Variants in CSMD1 observed in about 807,000 individuals in gnomAD.
CSMD1 encodes the protein CUB and Sushi multiple domains 1, also known as CUB and sushi domain-containing protein 1.
In CSMD1, 213 loss-of-function variants were observed where a neutral mutation model predicts 417.5. The ratio of observed to expected loss-of-function variants is 0.51; its 90% CI spans 0.46 to 0.57. The LOEUF (loss-of-function observed/expected upper bound fraction) is 0.57. Ranked by LOEUF, CSMD1 falls within the 20% of genes least tolerant of loss-of-function variation. The probability of loss-of-function intolerance (pLI) is 0.00; values close to 1 mark genes in which losing one functional copy is unlikely to be tolerated. For missense variants in CSMD1, 6,923 were observed against 4,529.7 expected (o/e 1.53, Z -15.17); for synonymous variants, 2,862 against 1,736.8 (o/e 1.65, Z -16.11).
intron 62 of CSMD1, 38 bp from the exon 63 acceptor site, chr8:2,957,845 G>T (rs1469686946): frequency 7.2e-7 from 1 of 1,385,566 alleles, no homozygotes; most frequent in Admixed American, 2.0e-5. Context: ...AGAGGCCAAG[G>T]GAATATACGA....
chr8:4,094,746 A>T (rs1382515902), intron 3 of CSMD1, among the ~76,000 whole-genome samples: 1 of 152,140 alleles, frequency 6.6e-6, no homozygotes, highest in African/African-American at 2.4e-5. Flanking sequence ...CATTCAGACA[A>T]ATGATGGAGG....
At chr8:3,846,785 T>C (rs368756320) in intron 5 of CSMD1, among the ~76,000 whole-genome samples, 29 of 152,220 alleles carry the variant, frequency 1.9e-4, no homozygotes, top group African/African-American at 6.7e-4. Context: ...GCGATTCTCC[T>C]GTCTCAGCCT....
chr8:3,311,758 T>G (rs554171256), intron 23 of CSMD1, among the ~76,000 whole-genome samples: 1 of 152,006 alleles, frequency 6.6e-6, no homozygotes, highest in African/African-American at 2.4e-5. Context: ...CAATAAATTA[T>G]GTTCTGATTG....
intron 2 of CSMD1, among the ~76,000 whole-genome samples, chr8:4,621,982 C>G (rs1311354926): frequency 6.6e-6 from 1 of 151,814 alleles, no homozygotes; most frequent in East Asian, 1.9e-4. Flanking sequence ...CATACTTATT[C>G]ATAATAAAAC....
chr8:3,881,536 C>G (rs1485137166), intron 5 of CSMD1, among the ~76,000 whole-genome samples: 1 of 148,040 alleles, frequency 6.8e-6, no homozygotes, highest in East Asian at 2.0e-4. Flanking sequence ...ACTCAGGAGG[C>G]TGAGGTTGCA....
At chr8:3,577,321 G>A (rs1460093143) in intron 9 of CSMD1, among the ~76,000 whole-genome samples, 1 of 152,178 alleles carries the variant, frequency 6.6e-6, no homozygotes, top group Non-Finnish European at 1.5e-5. Flanking sequence ...GGCCTATGAA[G>A]TACCAAGTTT....
intron 3 of CSMD1, among the ~76,000 whole-genome samples, chr8:4,078,045 G>C (rs776231492): frequency 4.6e-4 from 70 of 152,208 alleles, no homozygotes; most frequent in Non-Finnish European, 8.8e-4. Context: ...TCCACCAGTA[G>C]GGAGTAGGAA....
At chr8:3,023,469 G>A (rs1357875784) in intron 51 of CSMD1, among the ~76,000 whole-genome samples, 1 of 152,146 alleles carries the variant, frequency 6.6e-6, no homozygotes, top group Non-Finnish European at 1.5e-5. Context: ...TGCTAGGAAG[G>A]TGTGTAGCCG....
intron 2 of CSMD1, among the ~76,000 whole-genome samples, chr8:4,448,030 T>C (rs1798918187): frequency 6.6e-6 from 1 of 152,158 alleles, no homozygotes; most frequent in African/African-American, 2.4e-5. Context: ...ACTAAAGTGG[T>C]TCCGCATGAG....
intron 3 of CSMD1, among the ~76,000 whole-genome samples, chr8:4,116,035 C>G (rs115073642): frequency 0.041 from 6,248 of 151,576 alleles, 440 homozygotes; most frequent in African/African-American, 0.14. Flanking sequence ...GAGTCTCACT[C>G]TGTCTCCCAG....
chr8:3,892,523 G>A (rs905630582), intron 5 of CSMD1, among the ~76,000 whole-genome samples: 1 of 115,680 alleles, frequency 8.6e-6, no homozygotes, highest in African/African-American at 3.5e-5. Context: ...TATGTTAGAG[G>A]AATTTTGCAA....
chr8:2,995,912 C>T (rs1435474117), intron 54 of CSMD1, among the ~76,000 whole-genome samples: 2 of 152,114 alleles, frequency 1.3e-5, no homozygotes, highest in African/African-American at 2.4e-5. Flanking sequence ...GGTTGGGATG[C>T]GTGGGTGTGT....
At chr8:4,006,988 C>T (rs377676457) in intron 4 of CSMD1, among the ~76,000 whole-genome samples, 6 of 151,820 alleles carry the variant, frequency 4.0e-5, no homozygotes, top group African/African-American at 9.7e-5. Flanking sequence ...CCACCACACC[C>T]GGCTAATTTT....
At chr8:3,758,216 A>G (rs1584952972) in intron 5 of CSMD1, among the ~76,000 whole-genome samples, 1 of 152,158 alleles carries the variant, frequency 6.6e-6, no homozygotes, top group Non-Finnish European at 1.5e-5. Flanking sequence ...CAACCCCATC[A>G]TCTTCCCAGA....
intron 3 of CSMD1, among the ~76,000 whole-genome samples, chr8:4,339,550 A>T (rs949016386): frequency 6.6e-6 from 1 of 152,112 alleles, no homozygotes; most frequent in African/African-American, 2.4e-5. Context: ...AGACTACTGA[A>T]TCTTTCATAA....
chr8:3,269,247 C>T (rs1801660264), intron 26 of CSMD1, among the ~76,000 whole-genome samples: 1 of 152,208 alleles, frequency 6.6e-6, no homozygotes, highest in Non-Finnish European at 1.5e-5. Context: ...ATCTATGATC[C>T]TAAGTGGTCA....
intron 1 of CSMD1, among the ~76,000 whole-genome samples, chr8:4,802,979 T>C (rs1798388198): frequency 6.6e-6 from 1 of 152,212 alleles, no homozygotes; most frequent in Non-Finnish European, 1.5e-5. Context: ...TTTCAGAATC[T>C]TTATGTTATT....
chr8:3,988,091 G>T (rs1016834668), intron 5 of CSMD1, among the ~76,000 whole-genome samples: 1 of 152,182 alleles, frequency 6.6e-6, no homozygotes, highest in East Asian at 1.9e-4. Context: ...TTGAAATATT[G>T]TGATTTTTTT....
Position 3,110,265 on chromosome 8 carries a change from C to A in CSMD1, c.6501G>T (p.Pro2167=). The A allele has an allele frequency of 1.2e-6, 2 of 1,613,384 alleles. No homozygotes were observed. Among genetic ancestry groups the A allele is most frequent in the South Asian group, 1.1e-5 (1 of 90,858 alleles). ...IYSPGFPDEY[P]ILKDCIWLIT... ...TGAGCCAAATGCAGTCCTTCAGGAT[C>A]GGATACTCATCAGGAAAGCCAGGGG... The change falls in exon 43 of 70, where the codon CCG becomes CCT. Residue 2167 remains proline, a synonymous_variant. Coordinates refer to ENST00000635120, the MANE Select transcript of CSMD1 (RefSeq NM_033225.6).
Sources: allele counts gnomAD v4.1 joint callset (sites outside exome capture counted in the v4.1 genomes callset), GRCh38; gene constraint gnomAD v4.1.1; transcripts MANE v1.5; gene names NCBI Gene and HGNC (gene_info 2026-07-23, HGNC 2026-07-21).